TUBA3E: variants seen among roughly 807,000 people sequenced by gnomAD.
TUBA3E encodes tubulin alpha 3e.
Under a neutral mutation model 36.7 loss-of-function variants are expected in TUBA3E, and 21 were observed. That is an observed-to-expected ratio of 0.57 (90% CI 0.41 to 0.83). The LOEUF is 0.83. Ranked by LOEUF, TUBA3E falls within the 40% of genes least tolerant of loss-of-function variation. The pLI is 0.00. For missense variants in TUBA3E, 469 were observed against 604.2 expected, an observed-to-expected ratio of 0.78 and a Z score of 2.35; for synonymous variants, 177 against 241.9, an observed-to-expected ratio of 0.73 and a Z score of 2.49.
chr2:130,197,504 AAAAAGAAAAG>A (rs1225913895), intron 1 of TUBA3E, among the ~76,000 whole-genome samples: 1 of 110,008 alleles, frequency 9.1e-6, no homozygotes, highest in Admixed American at 9.8e-5. Flanking sequence ...AAAAAAAAAA[AAAAAGAAAAG>A]AAAAGAAAAA....
In TUBA3E at chr2:130,193,833, T is replaced by C. The variant is rs1690330609; in HGVS notation, c.1009A>G (p.Thr337Ala). The change falls in exon 4 of 5, where the codon ACC becomes GCC. Residue 337 changes from threonine (T) to alanine (A), a missense_variant. Thr to Ala is a moderately conservative substitution (Grantham distance 58, BLOSUM62 0). Coordinates refer to ENST00000312988, the MANE Select transcript of TUBA3E (RefSeq NM_207312.3). Reference sequence around the variant, plus strand: ...TCCACAAACTGGATAGTGCGCTTGGTCTTGATGGTGGCGATGGCCGCATTG... The same window carrying C: ...TCCACAAACTGGATAGTGCGCTTGGCCTTGATGGTGGCGATGGCCGCATTG... Reference protein sequence around the residue: ...DVNAAIATIKTKRTIQFVDWC... With the variant: ...DVNAAIATIKAKRTIQFVDWC... 1 of 1,613,828 alleles carries C rather than the reference T, an allele frequency of 6.2e-7. No individual in the cohort carries two copies. The highest frequency in any genetic ancestry group is 8.5e-7 in the Non-Finnish European group (1 of 1,179,906).
At chr2:130,194,541 T>C in intron 3 of TUBA3E, 75 bp from the exon 4 acceptor site, 1 of 1,440,080 alleles carries the variant, frequency 6.9e-7, no homozygotes, top group South Asian at 1.4e-5. Context: ...CAGGGCCGCT[T>C]CTCTTTGCCT....
chr2:130,197,369 A>C (rs375952095), intron 1 of TUBA3E, among the ~76,000 whole-genome samples: 3,813 of 76,114 alleles, frequency 0.05, 165 homozygotes, highest in Admixed American at 0.059. Flanking sequence ...CACCTGTAGT[A>C]CCAGCTACTC....
chr2:130,192,212 C>T (rs1284933185), intron 4 of TUBA3E, 85 bp from the exon 5 acceptor site: 5 of 1,523,974 alleles, frequency 3.3e-6, no homozygotes, highest in Non-Finnish European at 4.4e-6. Flanking sequence ...CAGAAGACAC[C>T]CTGTAGGTGA....
In TUBA3E at chr2:130,196,112, T is replaced by G. The variant is rs781121973; in HGVS notation, c.226+37A>C. 5.1e-6 allele frequency: 8 copies of G among 1,570,776 alleles called. No individual in the cohort carries two copies. In the African/African-American group the frequency reaches 9.4e-5, roughly 19 times the overall value. On this transcript the variant is annotated intron_variant, in intron 2 of 4. Transcript: ENST00000312988. ...GGGCTTTACCAATGCTCTCCCACCC[T>G]CTCAGGAAAGCTGCCATCCAGTGCC...
At position 130,198,007 on chromosome 2, in the gene TUBA3E, GGCTCCTGCA is replaced by G. The variant is rs770374470; in HGVS notation, c.3+342_3+350del. ...CACAGCCCCAACCCCCGTCACCGAAGGCTCCTGCAGCTCCTCAGCTGTTTCCAGTAGCAC... is the reference window on the plus strand; with the variant it reads ...CACAGCCCCAACCCCCGTCACCGAAGGCTCCTCAGCTGTTTCCAGTAGCAC... On this transcript the variant is annotated intron_variant, in intron 1 of 4. Transcript: ENST00000312988. Among the ~76,000 whole-genome samples, 2 of 123,358 alleles carry G rather than the reference GGCTCCTGCA, an allele frequency of 1.6e-5. 1 individual carries two copies. The highest frequency in any genetic ancestry group is 3.6e-5 in the Non-Finnish European group (2 of 55,978). 80.9% of individuals were successfully genotyped at this position (123,358 alleles called of 152,430 possible). A position where few individuals can be genotyped will look rare whatever the true frequency, so the allele number is the denominator to read the frequency against.
At chr2:130,192,148 A>G (rs767952903) in intron 4 of TUBA3E, 21 bp from the exon 5 acceptor site, 11 of 1,588,810 alleles carry the variant, frequency 6.9e-6, no homozygotes, top group Non-Finnish European at 9.4e-6. Flanking sequence ...AGGGAAAGAA[A>G]GCAGTCCGTG....
chr2:130,192,959 T>G (rs889835212), intron 4 of TUBA3E, among the ~76,000 whole-genome samples: 18 of 152,164 alleles, frequency 1.2e-4, no homozygotes, highest in African/African-American at 4.1e-4. Context: ...CCAGGCGTGG[T>G]GGCAGGTGCC....
rs1390099050 is a variant in TUBA3E, at chr2:130,194,466, C to T, written c.376G>A (p.Ala126Thr). Residue 126 changes from alanine to threonine, a missense_variant and splice_region_variant, in exon 4 of 5, where the codon GCG (alanine) becomes ACG (threonine). Ala to Thr is a moderately conservative substitution (Grantham distance 58). Transcript: ENST00000312988. ...DLVLDRIRKL[A>T]DLCTGLQGFL... ...CCCTGCAGTCCTGTGCACAGATCCG[C>T]CTGAGAGAAACCAGACAACGTGAGC... is the stretch of plus-strand genomic sequence containing the variant. The T allele has an allele frequency of 6.5e-7, 1 of 1,539,328 alleles. No individual in the cohort carries two copies. Among genetic ancestry groups the T allele is most frequent in the Admixed American group, 2.0e-5 (1 of 49,032 alleles).
chr2:130,194,931 G>T (rs1185650242), intron 3 of TUBA3E, 148 bp downstream of exon 3: 1 of 1,434,126 alleles, frequency 7.0e-7, no homozygotes, highest in Non-Finnish European at 9.5e-7. Context: ...ACCTGCTTTA[G>T]CCTCTCAAAG....
In TUBA3E at chr2:130,196,268, A is replaced by G; in HGVS notation, c.107T>C (p.Met36Thr). The G allele has an allele frequency of 6.2e-7, 1 of 1,614,050 alleles. No individual in the cohort carries two copies. The highest frequency in any genetic ancestry group is 8.5e-7 in the Non-Finnish European group (1 of 1,179,920). Residue 36 changes from methionine to threonine, a missense_variant, in exon 2 of 5, where the codon ATG (methionine) becomes ACG (threonine). Physicochemically the swap from Met to Thr is moderately conservative, Grantham distance 81. This residue lies in a region of TUBA3E where 169 missense variants were observed against 239.0 expected (regional missense o/e 0.71). Coordinates refer to ENST00000312988, the MANE Select transcript of TUBA3E (RefSeq NM_207312.3). ...LEHGIQPDGQ[M>T]PSDKTIGGGD... ...GCCACCAATGGTTTTATCACTTGGCATTTGACCATCGGGCTGAATTCCATG... is the reference window on the plus strand; with the variant it reads ...GCCACCAATGGTTTTATCACTTGGCGTTTGACCATCGGGCTGAATTCCATG...
At chr2:130,193,691 A>G in intron 4 of TUBA3E, 95 bp downstream of exon 4, 2 of 1,472,532 alleles carry the variant, frequency 1.4e-6, no homozygotes, top group Non-Finnish European at 9.2e-7. Flanking sequence ...CCCATGGAAC[A>G]GGGATAGTCT....
Position 130,197,704 on chromosome 2 carries a change from T to C in TUBA3E, c.3+654A>G, listed in dbSNP as rs1690446755. On this transcript the variant is annotated intron_variant, in intron 1 of 4. Transcript: ENST00000312988. ...TCACTGCAGCCTCAAAGTTCCAGGC[T>C]CGGCTGATCCTCCCACCTCAGCCTC... Among the ~76,000 whole-genome samples the C allele has an allele frequency of 1.6e-5, 2 of 123,808 alleles. 1 individual carries two copies. Among genetic ancestry groups the C allele is most frequent in the Admixed American group, 1.8e-4 (2 of 10,832 alleles). The allele number at this position is 123,808 out of a possible 152,430, so 81.2% of individuals were successfully genotyped here. A position where few individuals can be genotyped will look rare whatever the true frequency, so the allele number is the denominator to read the frequency against.
chr2:130,195,840 C>G (rs1363095179), intron 2 of TUBA3E, among the ~76,000 whole-genome samples: 1 of 152,240 alleles, frequency 6.6e-6, no homozygotes, highest in African/African-American at 2.4e-5. Flanking sequence ...GGGAGGGAAC[C>G]AATGCCACTG....
chr2:130,194,824 T>A (rs1282010620), intron 3 of TUBA3E, among the ~76,000 whole-genome samples: 1 of 152,158 alleles, frequency 6.6e-6, no homozygotes, highest in Non-Finnish European at 1.5e-5. Context: ...AGTACAGGTG[T>A]GTGCCACCAC....
rs758734025 is a variant in TUBA3E at position 130,196,381 on chromosome 2, G to A, written c.4-10C>T. ...TAGAGATACACTCGCGCTGTGAACC[G>A]GAACATAAATGTGAACCCATTCATT... On this transcript the variant is annotated splice_polypyrimidine_tract_variant and intron_variant, in intron 1 of 4. Coordinates refer to ENST00000312988, the MANE Select transcript of TUBA3E (RefSeq NM_207312.3). 1.1e-5 allele frequency: 18 copies of A among 1,610,216 alleles called. No homozygotes were observed. In the Admixed American group the frequency reaches 1.5e-4, roughly 13 times the overall value.
At chr2:130,195,281 T>C in intron 2 of TUBA3E, 54 bp from the exon 3 acceptor site, 3 of 1,594,188 alleles carry the variant, frequency 1.9e-6, no homozygotes, top group South Asian at 2.3e-5. Flanking sequence ...CTCACCAAGA[T>C]GGACACATTC....
chr2:130,192,390 G>C (rs1463110638), intron 4 of TUBA3E, among the ~76,000 whole-genome samples: 1 of 152,174 alleles, frequency 6.6e-6, no homozygotes, highest in Non-Finnish European at 1.5e-5. Flanking sequence ...ACATGTGATA[G>C]GTGCCCAGGT....
Position 130,195,178 on chromosome 2 carries a change from C to G in TUBA3E, c.276G>C (p.Leu92=), listed in dbSNP as rs1450834521. Residue 92 remains leucine, a synonymous_variant, in exon 3 of 5, where the codon CTG becomes CTC. Transcript: ENST00000312988. ...TGGCTGCATCTTCCTTCCCGGTGAT[C>G]AGCTGCTCTGGGTGGAAGAGCTGCC... ...TYRQLFHPEQ[L]ITGKEDAASN... 1.2e-6 allele frequency: 2 copies of G among 1,614,030 alleles called. No individual in the cohort carries two copies. Among genetic ancestry groups the G allele is most frequent in the Non-Finnish European group, 1.7e-6 (2 of 1,180,016 alleles).
Sources: allele counts gnomAD v4.1 joint callset (sites outside exome capture counted in the v4.1 genomes callset), GRCh38; gene constraint gnomAD v4.1.1; regional missense constraint gnomAD v4.1.1; transcripts MANE v1.5; gene names NCBI Gene and HGNC (gene_info 2026-07-23, HGNC 2026-07-21).